The following OPCML variants were observed in gnomAD, a reference collection of about 807,000 sequenced individuals.
The protein encoded by OPCML is opioid binding protein/cell adhesion molecule like, also known as opioid-binding protein/cell adhesion molecule.
A neutral mutation model predicts 37.8 loss-of-function variants in OPCML; 13 were observed. The observed-to-expected ratio is 0.34, with a 90% confidence interval of 0.22 to 0.55. The LOEUF is 0.55. OPCML is among the 20% of genes least tolerant of loss of function. The pLI, the probability that OPCML is intolerant of heterozygous loss-of-function variation, is 0.91. For synonymous variants in OPCML, 176 were observed against 168.8 expected, an observed-to-expected ratio of 1.04 and a Z score of -0.33; for missense variants, 341 against 435.6, an observed-to-expected ratio of 0.78 and a Z score of 1.93.
intron 1 of OPCML, among the ~76,000 whole-genome samples, chr11:133,138,901 T>C (rs1030852907): frequency 1.3e-5 from 2 of 152,160 alleles, no homozygotes; most frequent in South Asian, 4.1e-4. Context: ...CTATTCTCCA[T>C]TCATAAACCT....
chr11:133,411,995 C>T (rs1473723795), intron 1 of OPCML, among the ~76,000 whole-genome samples: 1 of 152,172 alleles, frequency 6.6e-6, no homozygotes, highest in African/African-American at 2.4e-5. Context: ...GCCACCCCCT[C>T]CAGATCTGTC....
chr11:132,773,025 G>A (rs1444761984), intron 2 of OPCML: 3 of 152,242 alleles, frequency 2.0e-5, no homozygotes, highest in South Asian at 4.1e-4. Context: ...AAACTCTGAG[G>A]AGTGAAAGGA....
At chr11:132,635,648 C>T (rs369019353) in intron 3 of OPCML, among the ~76,000 whole-genome samples, 5 of 151,666 alleles carry the variant, frequency 3.3e-5, no homozygotes, top group Non-Finnish European at 4.4e-5. Flanking sequence ...TCTATTATCT[C>T]GATAAAATCA....
intron 1 of OPCML, among the ~76,000 whole-genome samples, chr11:133,387,549 C>T (rs945354265): frequency 1.3e-5 from 2 of 152,306 alleles, no homozygotes; most frequent in Admixed American, 6.5e-5. Flanking sequence ...ACAAACTCAC[C>T]GGTTGTGTAA....
At chr11:133,382,459 C>T (rs1944950422) in intron 1 of OPCML, among the ~76,000 whole-genome samples, 1 of 152,184 alleles carries the variant, frequency 6.6e-6, no homozygotes, top group African/African-American at 2.4e-5. Context: ...GAGTCCCCAC[C>T]CTACCCCAGA....
At chr11:133,384,266 GAAA>G (rs1311468159) in intron 1 of OPCML, among the ~76,000 whole-genome samples, 1 of 35,352 alleles carries the variant, frequency 2.8e-5, no homozygotes, top group Non-Finnish European at 6.2e-5. Flanking sequence ...AAAAAAAAAA[GAAA>G]AGAAAAGAAA....
At chr11:133,026,688 C>T (rs897816564) in intron 1 of OPCML, 18 of 636,754 alleles carry the variant, frequency 2.8e-5, no homozygotes, top group African/African-American at 2.0e-4. Context: ...CGATAAGGAA[C>T]CTGTGTTTAG....
At chr11:132,763,145 C>G (rs1946322883) in intron 2 of OPCML, among the ~76,000 whole-genome samples, 1 of 152,176 alleles carries the variant, frequency 6.6e-6, no homozygotes, top group African/African-American at 2.4e-5. Flanking sequence ...GGGCTGCACC[C>G]ATTGTCTAAC....
chr11:133,286,327 G>A (rs1247417626), intron 1 of OPCML, among the ~76,000 whole-genome samples: 1 of 151,752 alleles, frequency 6.6e-6, no homozygotes. Flanking sequence ...TAAATAAGCC[G>A]GGCGTGGTGG....
At chr11:132,999,908 C>G (rs746154009) in intron 1 of OPCML, among the ~76,000 whole-genome samples, 1 of 152,188 alleles carries the variant, frequency 6.6e-6, no homozygotes, top group Non-Finnish European at 1.5e-5. Flanking sequence ...AAACGCATCC[C>G]CCTCAAAGGC....
intron 2 of OPCML, among the ~76,000 whole-genome samples, chr11:132,815,484 CA>C (rs1343501178): frequency 6.6e-6 from 1 of 152,194 alleles, no homozygotes; most frequent in African/African-American, 2.4e-5. Context: ...AAGTCTTTAG[CA>C]AAGGAATTTA....
intron 1 of OPCML, among the ~76,000 whole-genome samples, chr11:132,996,533 A>T (rs1157437047): frequency 1.3e-5 from 2 of 149,384 alleles, no homozygotes; most frequent in Non-Finnish European, 3.0e-5. Flanking sequence ...AATCGCTTGA[A>T]CCCGGGATGC....
intron 4 of OPCML, among the ~76,000 whole-genome samples, chr11:132,460,082 A>C (rs930050811): frequency 6.6e-6 from 1 of 152,322 alleles, no homozygotes; most frequent in South Asian, 2.1e-4. Flanking sequence ...TTTCCTTGGG[A>C]AAACATTGTA....
chr11:132,626,885 T>TACATATATGTTTTATATATATAAA (rs2137958650), intron 3 of OPCML, among the ~76,000 whole-genome samples: 1 of 150,792 alleles, frequency 6.6e-6, no homozygotes, highest in South Asian at 2.1e-4. Context: ...CACATACATA[T>TACATATATGTTTTATATATATAAA]ACATATATGT....
At chr11:133,031,389 G>A (rs1240020990) in intron 1 of OPCML, among the ~76,000 whole-genome samples, 1 of 133,282 alleles carries the variant, frequency 7.5e-6, no homozygotes, top group Middle Eastern at 3.8e-3. Flanking sequence ...ATGGATGGAT[G>A]GTTGGTTGGA....
chr11:132,696,462 A>C (rs953809952), intron 2 of OPCML, among the ~76,000 whole-genome samples: 2 of 152,196 alleles, frequency 1.3e-5, no homozygotes, highest in Non-Finnish European at 2.9e-5. Flanking sequence ...TTTTTTAAGC[A>C]CCTCTAATTG....
At chr11:133,331,231 C>A (rs1943612079) in intron 1 of OPCML, among the ~76,000 whole-genome samples, 1 of 152,216 alleles carries the variant, frequency 6.6e-6, no homozygotes, top group Non-Finnish European at 1.5e-5. Flanking sequence ...CACTTGCCTG[C>A]TGGCCTGGTA....
At chr11:133,147,542 G>A (rs1405975152) in intron 1 of OPCML, among the ~76,000 whole-genome samples, 6 of 152,134 alleles carry the variant, frequency 3.9e-5, no homozygotes, top group African/African-American at 1.4e-4. Flanking sequence ...AAGCATGTGT[G>A]GGTTTATAAA....
chr11:133,470,495 C>A (rs2137004698), intron 1 of OPCML, among the ~76,000 whole-genome samples: 1 of 152,334 alleles, frequency 6.6e-6, no homozygotes, highest in East Asian at 1.9e-4. Flanking sequence ...TGGTCCCAGA[C>A]AATCTGGCAA....
Sources: allele counts gnomAD v4.1 joint callset (sites outside exome capture counted in the v4.1 genomes callset), GRCh38; gene constraint gnomAD v4.1.1; transcripts MANE v1.5; gene names NCBI Gene and HGNC (gene_info 2026-07-23, HGNC 2026-07-21).